PPP1R9A: variants seen among roughly 807,000 people sequenced by gnomAD.
PPP1R9A encodes neurabin-1.
PPP1R9A carries 59 observed loss-of-function variants against 141.9 expected under a neutral mutation model. That is an observed-to-expected ratio of 0.42 (90% CI 0.34 to 0.52). PPP1R9A has a LOEUF of 0.52. Among genes scored for constraint, PPP1R9A ranks in the 20% least tolerant of loss-of-function variants. PPP1R9A has a pLI of 0.10. For synonymous variants in PPP1R9A, 500 were observed against 569.7 expected, an observed-to-expected ratio of 0.88 and a Z score of 1.74; for missense variants, 1,444 against 1,611.9, an observed-to-expected ratio of 0.90 and a Z score of 1.78.
Position 94,933,878 on chromosome 7 carries a change from A to G in PPP1R9A, c.1395+22370A>G, listed in dbSNP as rs1584277265. Among the ~76,000 whole-genome samples the G allele has an allele frequency of 4.6e-5, 7 of 152,272 alleles. 1 individual carries two copies. Among genetic ancestry groups the G allele is most frequent in the Admixed American group, 3.9e-4 (6 of 15,286 alleles). ...TAGAATAGGCCCTTCATGATAAGCTATCTTCTTGCTCTATTTTTATCCCAT... is the reference window on the plus strand; with the variant it reads ...TAGAATAGGCCCTTCATGATAAGCTGTCTTCTTGCTCTATTTTTATCCCAT... On this transcript the variant is annotated intron_variant, in intron 2 of 19. Coordinates refer to ENST00000433360, the MANE Select transcript of PPP1R9A (RefSeq NM_001166160.2).
chr7:95,185,724 C>T (rs142279720), intron 5 of PPP1R9A, among the ~76,000 whole-genome samples: 3 of 152,250 alleles, frequency 2.0e-5, no homozygotes, highest in Admixed American at 2.0e-4. Context: ...GGTGAGGATG[C>T]AGTTTCATTC....
At chr7:95,035,468 G>T (rs915738923) in intron 2 of PPP1R9A, among the ~76,000 whole-genome samples, 4 of 152,090 alleles carry the variant, frequency 2.6e-5, no homozygotes, top group African/African-American at 9.7e-5. Context: ...TGCCAAATCT[G>T]TGGGAGTTTT....
At chr7:95,203,181 A>G (rs1345761971) in intron 6 of PPP1R9A, among the ~76,000 whole-genome samples, 1 of 152,050 alleles carries the variant, frequency 6.6e-6, no homozygotes. Context: ...AGAATCTTTT[A>G]AAGTATTGAA....
intron 14 of PPP1R9A, among the ~76,000 whole-genome samples, chr7:95,270,285 G>A (rs1275600840): frequency 6.6e-6 from 1 of 152,014 alleles, no homozygotes; most frequent in Non-Finnish European, 1.5e-5. Flanking sequence ...ATCATTGGTT[G>A]CCATTTATCT....
intron 2 of PPP1R9A, among the ~76,000 whole-genome samples, chr7:95,040,630 C>T (rs1158538366): frequency 2.0e-5 from 3 of 152,082 alleles, no homozygotes; most frequent in African/African-American, 7.2e-5. Flanking sequence ...GGTTATTTTG[C>T]TTTCTGTTTT....
chr7:95,181,467 A>C (rs921620743), intron 5 of PPP1R9A, among the ~76,000 whole-genome samples: 4 of 138,290 alleles, frequency 2.9e-5, no homozygotes, highest in Non-Finnish European at 6.0e-5. Flanking sequence ...ATATATATAG[A>C]GAATATATAT....
At chr7:95,160,216 A>G (rs1277703864) in intron 4 of PPP1R9A, among the ~76,000 whole-genome samples, 1 of 152,174 alleles carries the variant, frequency 6.6e-6, no homozygotes, top group Non-Finnish European at 1.5e-5. Context: ...ACAGATGCAC[A>G]TGAATGAGCA....
At chr7:95,095,954 G>C (rs1052093444) in intron 2 of PPP1R9A, among the ~76,000 whole-genome samples, 3 of 152,086 alleles carry the variant, frequency 2.0e-5, no homozygotes, top group African/African-American at 4.8e-5. Flanking sequence ...GACCTTTACA[G>C]AAATTAAAAT....
intron 9 of PPP1R9A, among the ~76,000 whole-genome samples, chr7:95,248,631 A>G (rs778010689): frequency 3.9e-5 from 6 of 152,204 alleles, no homozygotes; most frequent in Non-Finnish European, 7.3e-5. Context: ...TTGTTTTAAA[A>G]AGATCTCTTT....
At chr7:95,275,909 A>G (rs944101119) in intron 16 of PPP1R9A, among the ~76,000 whole-genome samples, 4 of 152,224 alleles carry the variant, frequency 2.6e-5, no homozygotes, top group South Asian at 2.1e-4. Context: ...AAAAGGGTAG[A>G]ATGCTCTCAG....
At chr7:95,128,948 C>T (rs1262878556) in intron 4 of PPP1R9A, among the ~76,000 whole-genome samples, 2 of 152,102 alleles carry the variant, frequency 1.3e-5, no homozygotes, top group Non-Finnish European at 2.9e-5. Context: ...AATGGTGTTT[C>T]CTAGGTTTTC....
rs190375828 is a variant in PPP1R9A, at chr7:95,113,176, T to C, written c.1528+1785T>C. 3.9e-5 allele frequency among the ~76,000 whole-genome samples: 6 copies of C among 152,298 alleles called. No individual in the cohort carries two copies. In the East Asian group the frequency reaches 1.2e-3, roughly 29 times the overall value. On this transcript the variant is annotated intron_variant, in intron 3 of 19. Transcript: ENST00000433360. ...CCGGAAGAATTGAAAAGGATAGTTA[T>C]TGTTGAGACTTAAGTTGGCGATCTA...
At chr7:94,934,886 T>A (rs763975392) in intron 2 of PPP1R9A, among the ~76,000 whole-genome samples, 1 of 151,916 alleles carries the variant, frequency 6.6e-6, no homozygotes, top group Non-Finnish European at 1.5e-5. Flanking sequence ...AGAGATGTGT[T>A]GCCCAGGCTG....
At chr7:95,202,530 T>C in intron 6 of PPP1R9A, 1 of 744,504 alleles carries the variant, frequency 1.3e-6, no homozygotes, top group African/African-American at 1.9e-5. Flanking sequence ...CTTGTTTTTT[T>C]TTTCTTTCTT....
At chr7:95,120,198 C>A (rs1322440735) in intron 3 of PPP1R9A, among the ~76,000 whole-genome samples, 2 of 151,826 alleles carry the variant, frequency 1.3e-5, no homozygotes, top group Non-Finnish European at 2.9e-5. Flanking sequence ...CTCAAGCCAT[C>A]CACCTGCCTC....
chr7:95,067,480 G>A (rs1036600746), intron 2 of PPP1R9A, among the ~76,000 whole-genome samples: 8 of 152,128 alleles, frequency 5.3e-5, no homozygotes, highest in African/African-American at 1.9e-4. Flanking sequence ...ATTAGTGAAT[G>A]TACACCAAAA....
At chr7:94,960,805 G>A (rs553205328) in intron 2 of PPP1R9A, among the ~76,000 whole-genome samples, 1 of 151,130 alleles carries the variant, frequency 6.6e-6, no homozygotes, top group African/African-American at 2.4e-5. Context: ...GATCTCCTTC[G>A]TCAGAAGATA....
intron 2 of PPP1R9A, among the ~76,000 whole-genome samples, chr7:95,059,504 C>G (rs146638463): frequency 3.9e-5 from 6 of 152,246 alleles, no homozygotes; most frequent in African/African-American, 1.2e-4. Context: ...CTTTAGAAGG[C>G]CTTGAGTCAG....
intron 2 of PPP1R9A, among the ~76,000 whole-genome samples, chr7:94,945,107 T>G (rs1795755862): frequency 6.6e-6 from 1 of 152,084 alleles, no homozygotes; most frequent in Non-Finnish European, 1.5e-5. Flanking sequence ...TATGTTTATA[T>G]GCCTGTATAT....
Sources: gnomAD v4.1 joint callset for allele counts (sites outside exome capture counted in the v4.1 genomes callset) on GRCh38, gnomAD v4.1.1 for gene constraint, MANE v1.5 for transcripts, NCBI Gene and HGNC (gene_info 2026-07-23, HGNC 2026-07-21) for gene names.